HIVEP3: variants seen among roughly 807,000 people sequenced by gnomAD.
HIVEP3 encodes the protein transcription factor HIVEP3.
HIVEP3 carries 49 observed loss-of-function variants against 152.8 expected under a neutral mutation model. That is an observed-to-expected ratio of 0.32 (90% CI 0.26 to 0.41). The LOEUF (loss-of-function observed/expected upper bound fraction) is 0.41. Ranked by LOEUF, HIVEP3 falls within the 10% of genes least tolerant of loss-of-function variation. The probability of loss-of-function intolerance (pLI) is 1.00; values close to 1 mark genes in which losing one functional copy is unlikely to be tolerated. For missense variants in HIVEP3, 2,790 were observed against 3,103.3 expected, an observed-to-expected ratio of 0.90 and a Z score of 2.40; for synonymous variants, 1,269 against 1,289.0, an observed-to-expected ratio of 0.98 and a Z score of 0.33.
At chr1:41,950,453 T>C (rs1270334551) in intron 1 of HIVEP3, among the ~76,000 whole-genome samples, 1 of 152,150 alleles carries the variant, frequency 6.6e-6, no homozygotes, top group Non-Finnish European at 1.5e-5. Context: ...GAGTAACACA[T>C]TGGTGATTAA....
chr1:41,959,035 C>T (rs1426653804), intron 1 of HIVEP3, among the ~76,000 whole-genome samples: 7 of 152,198 alleles, frequency 4.6e-5, no homozygotes, highest in Non-Finnish European at 1.0e-4. Flanking sequence ...GGCCTCTGTC[C>T]TTGGCTATCC....
At chr1:41,541,253 C>G (rs1341045331) in intron 5 of HIVEP3, among the ~76,000 whole-genome samples, 1 of 152,194 alleles carries the variant, frequency 6.6e-6, no homozygotes, top group African/African-American at 2.4e-5. Context: ...AGCTGTTATT[C>G]TCAGACTGAG....
At chr1:41,912,812 C>T (rs1570796501) in intron 1 of HIVEP3, among the ~76,000 whole-genome samples, 1 of 152,334 alleles carries the variant, frequency 6.6e-6, no homozygotes, top group Non-Finnish European at 1.5e-5. Context: ...GGGGAAGTTT[C>T]TAACACTGTA....
At chr1:41,800,045 C>G (rs148435570) in intron 1 of HIVEP3, among the ~76,000 whole-genome samples, 1 of 152,348 alleles carries the variant, frequency 6.6e-6, no homozygotes, top group African/African-American at 2.4e-5. Context: ...GGGACAAGAG[C>G]ATCAATTCCT....
chr1:41,545,791 CCA>C (rs1643788790), intron 5 of HIVEP3, among the ~76,000 whole-genome samples: 1 of 150,836 alleles, frequency 6.6e-6, no homozygotes, highest in Non-Finnish European at 1.5e-5. Flanking sequence ...ACCACCACCA[CCA>C]TCACCACCAT....
chr1:41,683,785 T>C (rs1345239286), intron 2 of HIVEP3, among the ~76,000 whole-genome samples: 1 of 152,136 alleles, frequency 6.6e-6, no homozygotes, highest in African/African-American at 2.4e-5. Flanking sequence ...AGAGCTAAGT[T>C]AGAAGAGGCT....
At chr1:41,722,225 C>T (rs1479957342) in intron 1 of HIVEP3, among the ~76,000 whole-genome samples, 1 of 152,224 alleles carries the variant, frequency 6.6e-6, no homozygotes, top group Non-Finnish European at 1.5e-5. Context: ...CTTGTCTTAC[C>T]TCCCTCCAGT....
At chr1:41,783,791 G>T (rs550401042) in intron 1 of HIVEP3, among the ~76,000 whole-genome samples, 23 of 152,322 alleles carry the variant, frequency 1.5e-4, no homozygotes, top group African/African-American at 4.8e-4. Flanking sequence ...GCTCAGAAAG[G>T]GAGAAAGGTA....
intron 1 of HIVEP3, among the ~76,000 whole-genome samples, chr1:41,925,837 T>G (rs183188132): frequency 0.016 from 2,477 of 152,288 alleles, 42 homozygotes; most frequent in Non-Finnish European, 0.021. Context: ...ATAAAATTCT[T>G]AGCTAGGAAC....
intron 1 of HIVEP3, among the ~76,000 whole-genome samples, chr1:42,030,717 C>T (rs1287261993): frequency 6.6e-6 from 1 of 152,178 alleles, no homozygotes; most frequent in Non-Finnish European, 1.5e-5. Context: ...CACTGCCAAG[C>T]CTCTCCTATT....
chr1:41,617,248 G>T (rs1338495509), intron 3 of HIVEP3, among the ~76,000 whole-genome samples: 1 of 151,608 alleles, frequency 6.6e-6, no homozygotes, highest in African/African-American at 2.4e-5. Context: ...ACAGACTGAT[G>T]CATTCATTGT....
chr1:41,678,448 C>G (rs1313405130), intron 2 of HIVEP3, among the ~76,000 whole-genome samples: 1 of 149,894 alleles, frequency 6.7e-6, no homozygotes, highest in African/African-American at 2.5e-5. Flanking sequence ...ATTAGCCCAG[C>G]TGCTCTAGGC....
At chr1:41,612,841 A>C (rs12757352) in intron 3 of HIVEP3, among the ~76,000 whole-genome samples, 1 of 152,122 alleles carries the variant, frequency 6.6e-6, no homozygotes, top group Non-Finnish European at 1.5e-5. Flanking sequence ...TCATCTTTGC[A>C]TGGAAGAGAT....
chr1:41,966,198 C>A (rs755987631), intron 1 of HIVEP3, among the ~76,000 whole-genome samples: 45 of 152,244 alleles, frequency 3.0e-4, no homozygotes, highest in Non-Finnish European at 5.3e-4. Flanking sequence ...TTGTCACCAG[C>A]AGGCCTGCCT....
intron 1 of HIVEP3, among the ~76,000 whole-genome samples, chr1:41,982,965 G>C (rs1645301763): frequency 6.6e-6 from 1 of 152,230 alleles, no homozygotes; most frequent in Admixed American, 6.5e-5. Context: ...TAGACCGGTA[G>C]CAGGGGAACG....
In HIVEP3 at chr1:41,625,919, T is replaced by C. The variant is rs559309903; in HGVS notation, c.-522+2830A>G. Among the ~76,000 whole-genome samples, 13 of 152,352 alleles carry C rather than the reference T, an allele frequency of 8.5e-5. No homozygotes were observed. In the East Asian group the frequency reaches 2.5e-3, roughly 29 times the overall value. ...ACCTGTTTTATATATTGACATTCCATGCAAGATTTGGCTTTTAAAAATAGC... is the reference window on the plus strand; with the variant it reads ...ACCTGTTTTATATATTGACATTCCACGCAAGATTTGGCTTTTAAAAATAGC... On this transcript the variant is annotated intron_variant, in intron 3 of 8. Coordinates refer to ENST00000372583, the MANE Select transcript of HIVEP3 (RefSeq NM_024503.5).
In HIVEP3 at chr1:41,582,303, G is replaced by C; in HGVS notation, c.2495C>G (p.Pro832Arg). ...AGCAGAGCGTCCGTGTGGGGCAGGT[G>C]GGGGTGATGGGAACTGGGCCAGAGG... ...DKPLAQFPSP[P>R]PAPHGRSAHS... The change falls in exon 4 of 9, where the codon CCA becomes CGA. Residue 832 changes from proline (P) to arginine (R), a missense_variant. This residue lies in a region of HIVEP3 where 1,078 missense variants were observed against 1,165.3 expected (regional missense o/e 0.93). Transcript: ENST00000372583. The surrounding 1 kb of genome is among the most constrained non-coding windows in gnomAD (Gnocchi z 4.7). 2 of 1,614,200 alleles carry C rather than the reference G, an allele frequency of 1.2e-6. No individual in the cohort carries two copies. Among genetic ancestry groups the C allele is most frequent in the Non-Finnish European group, 1.7e-6 (2 of 1,180,032 alleles).
At chr1:41,545,408 T>TACG (rs1553224879) in intron 5 of HIVEP3, among the ~76,000 whole-genome samples, 4 of 87,496 alleles carry the variant, frequency 4.6e-5, no homozygotes, top group Admixed American at 4.1e-4. Context: ...CTACCACCAA[T>TACG]ACCACCATCG....
In HIVEP3 at chr1:41,979,355, T is replaced by C. The variant is rs532897365; in HGVS notation, n.119+56452A>G. ...GGTGTGAGACATTCCACATGCTGGC[T>C]CGAAGACCATCAGTACTCACAAGGT... On this transcript the variant is annotated intron_variant and non_coding_transcript_variant, in intron 1 of 3. Transcript: ENST00000489103. Among the ~76,000 whole-genome samples the C allele has an allele frequency of 2.6e-5, 4 of 152,302 alleles. 1 individual carries two copies. Among genetic ancestry groups the C allele is most frequent in the African/African-American group, 7.2e-5 (3 of 41,562 alleles).
Sources: allele counts gnomAD v4.1 joint callset (sites outside exome capture counted in the v4.1 genomes callset), GRCh38; gene constraint gnomAD v4.1.1; regional missense constraint gnomAD v4.1.1; non-coding constraint Gnocchi (gnomAD v3.1); transcripts MANE v1.5; gene names NCBI Gene and HGNC (gene_info 2026-07-23, HGNC 2026-07-21).